TMEM165: variants seen among roughly 807,000 people sequenced by gnomAD.
TMEM165 encodes transmembrane protein 165.
TMEM165 carries 19 observed loss-of-function variants against 30.0 expected under a neutral mutation model. The observed-to-expected ratio is 0.63, with a 90% CI of 0.44 to 0.93. The LOEUF (loss-of-function observed/expected upper bound fraction) is 0.93. Among genes scored for constraint, TMEM165 ranks in the 40% least tolerant of loss-of-function variants. The probability of loss-of-function intolerance (pLI) is 0.00; values close to 1 mark genes in which losing one functional copy is unlikely to be tolerated. For missense variants in TMEM165, 340 were observed against 417.0 expected, an observed-to-expected ratio of 0.82 and a Z score of 1.61; for synonymous variants, 168 against 162.9, an observed-to-expected ratio of 1.03 and a Z score of -0.24.
chr4:55,411,134 C>CA (rs575523700), intron 1 of TMEM165, among the ~76,000 whole-genome samples: 1,398 of 65,570 alleles, frequency 0.021, 5 homozygotes, highest in African/African-American at 0.036. Flanking sequence ...GATTTTGTCT[C>CA]AAAAAAAAAA....
At chr4:55,402,794 G>GATTTTTTTTTTTTTT (rs1491276185) in intron 1 of TMEM165, among the ~76,000 whole-genome samples, 1 of 52,520 alleles carries the variant, frequency 1.9e-5, no homozygotes, top group South Asian at 1.1e-3. Flanking sequence ...TTTAAAAAAA[G>GATTTTTTTTTTTTTT]CTTTTTTTTT....
At chr4:55,442,722 A>ACAAT (rs755710591) in intron 3 of TMEM165, 257 of 1,136,034 alleles carry the variant, frequency 2.3e-4, no homozygotes, top group Non-Finnish European at 3.1e-4. Context: ...TAACAATATG[A>ACAAT]CAATATGACA....
At chr4:55,433,175 T>G (rs1055035320) in intron 3 of TMEM165, 1 of 152,620 alleles carries the variant, frequency 6.6e-6, no homozygotes. Context: ...TTCCACAACA[T>G]CCCCCTTGTC....
chr4:55,424,830 G>A, intron 5 of TMEM165, 187 bp downstream of exon 5: 1 of 524,808 alleles, frequency 1.9e-6, no homozygotes, highest in Non-Finnish European at 3.3e-6. Context: ...GTAGAAGTTA[G>A]CAAAATACAA....
intron 3 of TMEM165, among the ~76,000 whole-genome samples, chr4:55,443,490 A>G (rs1229217608): frequency 2.0e-4 from 30 of 146,712 alleles, no homozygotes; most frequent in Non-Finnish European, 2.7e-4. Flanking sequence ...AAAAAAAAAG[A>G]AAAAAAAAAG....
intron 1 of TMEM165, among the ~76,000 whole-genome samples, chr4:55,400,244 T>TATTATAACA (rs56821240): frequency 3.2e-5 from 3 of 93,784 alleles, no homozygotes; most frequent in East Asian, 2.4e-4. Flanking sequence ...ATGTAATTAA[T>TATTATAACA]ATTATATTAT....
intron 4 of TMEM165, among the ~76,000 whole-genome samples, chr4:55,420,106 A>AAAAAAAAAAAATATATAT (rs1474254120): frequency 8.8e-5 from 4 of 45,442 alleles, no homozygotes; most frequent in Non-Finnish European, 8.2e-5. Flanking sequence ...AAGAAAAAAA[A>AAAAAAAAAAAATATATAT]ATATATATAT....
At chr4:55,406,142 C>G (rs1721257578) in intron 1 of TMEM165, among the ~76,000 whole-genome samples, 1 of 152,182 alleles carries the variant, frequency 6.6e-6, no homozygotes, top group African/African-American at 2.4e-5. Flanking sequence ...CTATTAACTT[C>G]CCATACTTCC....
intron 3 of TMEM165, chr4:55,442,361 GA>G: frequency 7.4e-7 from 1 of 1,355,480 alleles, no homozygotes; most frequent in Non-Finnish European, 1.1e-6. Flanking sequence ...ATTTGATTAA[GA>G]AATCAAATTA....
intron 3 of TMEM165, chr4:55,448,787 T>C (rs1216291892): frequency 1.2e-6 from 2 of 1,613,442 alleles, no homozygotes; most frequent in Non-Finnish European, 1.7e-6. Context: ...ACCTGGGACA[T>C]GCCTTGTGGA....
chr4:55,439,834 G>A (rs1337441855), intron 3 of TMEM165, among the ~76,000 whole-genome samples: 2 of 152,150 alleles, frequency 1.3e-5, no homozygotes, highest in Non-Finnish European at 2.9e-5. Context: ...AAGTAGAATG[G>A]TGGTTGGGGA....
intron 1 of TMEM165, chr4:55,397,410 C>T (rs1419899696): frequency 6.6e-6 from 1 of 151,416 alleles, no homozygotes; most frequent in African/African-American, 2.4e-5. Flanking sequence ...TGCTCATCTG[C>T]AAAAAAGAAT....
chr4:55,400,487 G>C lies in TMEM165; in HGVS notation c.207+4091G>C, dbSNP rs549125663. On this transcript the variant is annotated intron_variant, in intron 1 of 5. Transcript: ENST00000381334. ...TTGTCTCACTCTGTCGCCCAGGCTGGAGTGCAGTGGCGTGATCTTGGCTCA... is the reference window on the plus strand; with the variant it reads ...TTGTCTCACTCTGTCGCCCAGGCTGCAGTGCAGTGGCGTGATCTTGGCTCA... Among the ~76,000 whole-genome samples, 4 of 143,774 alleles carry C rather than the reference G, an allele frequency of 2.8e-5. No homozygotes were observed. The East Asian group carries it at 8.1e-4, about 29-fold the overall frequency. 94.3% of individuals were successfully genotyped at this position (143,774 alleles called of 152,430 possible).
At chr4:55,426,490 C>T (rs547559757), downstream of TMEM165, among the ~76,000 whole-genome samples, 142 of 152,228 alleles carry the variant, frequency 9.3e-4, no homozygotes, top group African/African-American at 3.3e-3. Context: ...CAGTCGTCAC[C>T]CTCGTTTGAG....
intron 3 of TMEM165, among the ~76,000 whole-genome samples, chr4:55,443,517 C>T (rs1159474848): frequency 6.6e-6 from 1 of 151,088 alleles, no homozygotes; most frequent in Non-Finnish European, 1.5e-5. Flanking sequence ...ATATTTGATA[C>T]TAACATGATT....
chr4:55,431,377 T>C (rs1338464070), intron 3 of TMEM165: 1 of 152,204 alleles, frequency 6.6e-6, no homozygotes, highest in African/African-American at 2.4e-5. Context: ...ATATATTAAA[T>C]ATACTATAAA....
intron 5 of TMEM165, among the ~76,000 whole-genome samples, chr4:55,424,967 G>T (rs1189269910): frequency 6.6e-6 from 1 of 152,220 alleles, no homozygotes; most frequent in Non-Finnish European, 1.5e-5. Context: ...ATCATGTGGA[G>T]ACCATATGTA....
chr4:55,405,050 A>AT (rs1036506449), intron 1 of TMEM165, among the ~76,000 whole-genome samples: 91 of 151,260 alleles, frequency 6.0e-4, no homozygotes, highest in African/African-American at 2.1e-3. Flanking sequence ...TTTTTTTCCT[A>AT]TTTTTTTTCC....
chr4:55,424,214 T>C (rs1176054192), intron 4 of TMEM165: 1 of 250,204 alleles, frequency 4.0e-6, no homozygotes, highest in African/African-American at 2.3e-5. Context: ...TCCCTAGCAC[T>C]TGTCATAGCA....
Sources: gnomAD v4.1 joint callset for allele counts (sites outside exome capture counted in the v4.1 genomes callset) on GRCh38, gnomAD v4.1.1 for gene constraint, MANE v1.5 for transcripts, NCBI Gene and HGNC (gene_info 2026-07-23, HGNC 2026-07-21) for gene names.